Variants in GCNT2 observed in about 807,000 individuals in gnomAD.
GCNT2 encodes N-acetyllactosaminide beta-1,6-N-acetylglucosaminyl-transferase.
A neutral mutation model predicts 34.2 loss-of-function variants in GCNT2; 34 were observed. The ratio of observed to expected loss-of-function variants is 1.00; its 90% CI spans 0.76 to 1.32. The LOEUF is 1.32. Among genes scored for constraint, GCNT2 ranks in the 40% most tolerant of loss-of-function variants. The probability of loss-of-function intolerance (pLI) is 0.00; values close to 1 mark genes in which losing one functional copy is unlikely to be tolerated. For missense variants in GCNT2, 584 were observed against 489.4 expected (o/e 1.19, Z -1.82); for synonymous variants, 212 against 188.0 (o/e 1.13, Z -1.04).
chr6:10,623,542 G>A (rs897792203), intron 4 of GCNT2, among the ~76,000 whole-genome samples: 3 of 151,908 alleles, frequency 2.0e-5, no homozygotes, highest in South Asian at 2.1e-4. Context: ...CACCTGCGTC[G>A]GCCTCCCAAA....
At chr6:10,561,999 G>A (rs764696478) in intron 3 of GCNT2, among the ~76,000 whole-genome samples, 5 of 151,994 alleles carry the variant, frequency 3.3e-5, no homozygotes, top group East Asian at 1.9e-4. Flanking sequence ...GGACTCTTTC[G>A]GTTGCAAGTG....
At chr6:10,538,200 C>T (rs1761861399) in intron 3 of GCNT2, among the ~76,000 whole-genome samples, 1 of 151,404 alleles carries the variant, frequency 6.6e-6, no homozygotes, top group South Asian at 2.1e-4. Context: ...CTGAGGTCAG[C>T]AGTTCGAGAC....
At chr6:10,546,653 C>A (rs971758067) in intron 3 of GCNT2, among the ~76,000 whole-genome samples, 2 of 151,590 alleles carry the variant, frequency 1.3e-5, no homozygotes, top group African/African-American at 2.4e-5. Context: ...GGTGAGACTC[C>A]GTTTAAAAGA....
chr6:10,541,363 A>G (rs1396054814), intron 3 of GCNT2, among the ~76,000 whole-genome samples: 2 of 152,184 alleles, frequency 1.3e-5, no homozygotes, highest in South Asian at 2.1e-4. Context: ...TTATGGCTGC[A>G]TAATATTCTA....
intron 3 of GCNT2, among the ~76,000 whole-genome samples, chr6:10,599,404 T>C (rs1765003917): frequency 6.6e-6 from 1 of 152,220 alleles, no homozygotes; most frequent in Admixed American, 6.5e-5. Context: ...TATGTGGTGT[T>C]GTTTCCACCA....
At chr6:10,530,451 T>C (rs893772413) in intron 3 of GCNT2, among the ~76,000 whole-genome samples, 1 of 152,214 alleles carries the variant, frequency 6.6e-6, no homozygotes, top group Non-Finnish European at 1.5e-5. Context: ...TAAATAAAAT[T>C]TGAATGACAA....
chr6:10,543,628 GT>G (rs1561788752), intron 3 of GCNT2, among the ~76,000 whole-genome samples: 4 of 152,086 alleles, frequency 2.6e-5, no homozygotes. Context: ...ATCTTTTTTA[GT>G]TTAGCCCTTC....
intron 3 of GCNT2, among the ~76,000 whole-genome samples, chr6:10,567,466 GAA>G (rs1001690294): frequency 6.6e-6 from 1 of 152,024 alleles, no homozygotes; most frequent in Non-Finnish European, 1.5e-5. Context: ...CAAAGAAAAA[GAA>G]AAAAGATGAA....
At chr6:10,575,195 G>T in intron 3 of GCNT2, 1 of 376,300 alleles carries the variant, frequency 2.7e-6, no homozygotes, top group Admixed American at 2.9e-5. Context: ...ACATACATTG[G>T]GTGCCTCTCC....
intron 3 of GCNT2, among the ~76,000 whole-genome samples, chr6:10,568,297 C>G (rs1199611679): frequency 6.6e-6 from 1 of 152,166 alleles, no homozygotes; most frequent in Non-Finnish European, 1.5e-5. Context: ...GCTTTCCACT[C>G]ACAGTCTCTG....
At chr6:10,574,677 G>C in intron 3 of GCNT2, 1 of 352,366 alleles carries the variant, frequency 2.8e-6, no homozygotes, top group South Asian at 2.9e-5. Context: ...CTGCCCTTGA[G>C]CCAAGAATGT....
intron 3 of GCNT2, among the ~76,000 whole-genome samples, chr6:10,577,881 G>T (rs1203985420): frequency 1.3e-5 from 2 of 151,636 alleles, no homozygotes; most frequent in Non-Finnish European, 2.9e-5. Context: ...CATTGTTTTT[G>T]AACTTCGTGG....
At chr6:10,539,297 C>A (rs1013212370) in intron 3 of GCNT2, among the ~76,000 whole-genome samples, 5 of 146,748 alleles carry the variant, frequency 3.4e-5, no homozygotes, top group African/African-American at 1.0e-4. Flanking sequence ...TCAAGCGATT[C>A]CCCTGCCTCA....
intron 3 of GCNT2, chr6:10,555,624 G>A: frequency 2.5e-6 from 1 of 392,190 alleles, no homozygotes; most frequent in Non-Finnish European, 3.5e-6. Context: ...CACAGCCGAA[G>A]CTGGAAGTGA....
At chr6:10,586,653 C>G in intron 3 of GCNT2, 1 of 1,614,192 alleles carries the variant, frequency 6.2e-7, no homozygotes. Flanking sequence ...GGTGCTGCCT[C>G]CTGACCATGC....
chr6:10,588,249 A>C (rs888630785), intron 3 of GCNT2, among the ~76,000 whole-genome samples: 2 of 152,190 alleles, frequency 1.3e-5, no homozygotes, highest in African/African-American at 4.8e-5. Context: ...GTGAACCAAC[A>C]TTTATCACAG....
chr6:10,559,755 CCTGT>C (rs1423536050), intron 3 of GCNT2, among the ~76,000 whole-genome samples: 1 of 152,216 alleles, frequency 6.6e-6, no homozygotes, highest in Non-Finnish European at 1.5e-5. Context: ...AGTGGTCTGT[CCTGT>C]CTGATTCTGC....
chr6:10,609,582 T>C (rs936132767), intron 3 of GCNT2, among the ~76,000 whole-genome samples: 14 of 152,166 alleles, frequency 9.2e-5, no homozygotes, highest in Non-Finnish European at 4.4e-5. Context: ...AAAGCTCTTA[T>C]GTGTTGTGGT....
intron 3 of GCNT2, chr6:10,557,448 A>G: frequency 1.1e-6 from 1 of 885,998 alleles, no homozygotes; most frequent in Non-Finnish European, 1.9e-6. Flanking sequence ...AAACTGGAAC[A>G]TATATAGTTC....
Sources: allele counts gnomAD v4.1 joint callset (sites outside exome capture counted in the v4.1 genomes callset), GRCh38; gene constraint gnomAD v4.1.1; transcripts MANE v1.5; gene names NCBI Gene and HGNC (gene_info 2026-07-23, HGNC 2026-07-21).